The following PC variants were observed in gnomAD, a reference collection of about 807,000 sequenced individuals.
PC encodes the protein pyruvate carboxylase, mitochondrial.
A neutral mutation model predicts 107.8 loss-of-function variants in PC; 46 were observed. The observed-to-expected ratio is 0.43, with a 90% CI of 0.34 to 0.55. PC has a LOEUF of 0.55. Ranked by LOEUF, PC falls within the 20% of genes least tolerant of loss-of-function variation. The pLI, the probability that PC is intolerant of heterozygous loss-of-function variation, is 0.04. For missense variants in PC, 1,241 were observed against 1,643.1 expected, an observed-to-expected ratio of 0.76 and a Z score of 4.23; for synonymous variants, 662 against 684.7, an observed-to-expected ratio of 0.97 and a Z score of 0.52.
chr11:66,860,630 C>G (rs534125462), intron 12 of PC: 1 of 701,754 alleles, frequency 1.4e-6, no homozygotes, highest in African/African-American at 1.7e-5. Flanking sequence ...CAGGGGCGGC[C>G]CAGGGCTGCG....
intron 12 of PC, chr11:66,859,037 A>G: frequency 1.3e-6 from 2 of 1,506,872 alleles, no homozygotes; most frequent in Non-Finnish European, 1.8e-6. Context: ...CAGCCGACCC[A>G]GTGTGGATGT....
intron 3 of PC, among the ~76,000 whole-genome samples, chr11:66,876,514 C>T (rs981487634): frequency 1.3e-4 from 20 of 152,232 alleles, no homozygotes; most frequent in Non-Finnish European, 2.5e-4. Flanking sequence ...GGAGTGCATG[C>T]CCCAGCACCT....
At position 66,933,130 on chromosome 11, in the gene PC, C is replaced by T. The variant is rs1029167784; in HGVS notation, c.-1+19300G>A. ...CACCTATCCCGCCCTGGAAGCAAGG[C>T]GAAAGCTCCAAGTACCCTGAAGGTG... On this transcript the variant is annotated intron_variant, in intron 3 of 22. Coordinates refer to ENST00000393960, the MANE Select transcript of PC (RefSeq NM_001040716.2). 5.9e-5 allele frequency among the ~76,000 whole-genome samples: 9 copies of T among 152,068 alleles called. 1 individual carries two copies. Among genetic ancestry groups the T allele is most frequent in the Admixed American group, 2.0e-4 (3 of 15,268 alleles).
rs1411504625 is a variant in PC, at chr11:66,850,340, G to T, written c.2598C>A (p.Ile866=). The change falls in exon 19 of 23, where the codon ATC becomes ATA. Residue 866 remains isoleucine (I), a synonymous_variant. Transcript: ENST00000393960. ...SGNSDVYENE[I]PGGQYTNLHF... is the part of the protein sequence containing the mutation. The stretch of plus-strand genomic sequence containing the variant: ...GCAGGTTGGTGTACTGGCCCCCTGG[G>T]ATCTCATTTTCATACACGTCCGAGT... 3.1e-6 allele frequency: 5 copies of T among 1,614,116 alleles called. No individual in the cohort carries two copies. Among genetic ancestry groups the T allele is most frequent in the East Asian group, 2.2e-5 (1 of 44,874 alleles).
intron 3 of PC, among the ~76,000 whole-genome samples, chr11:66,894,020 T>A (rs1485891113): frequency 6.6e-6 from 1 of 151,872 alleles, no homozygotes; most frequent in Admixed American, 6.6e-5. Flanking sequence ...CCCTGAAATG[T>A]CCTCTTCTTA....
At chr11:66,850,486 A>C (rs756319343) in intron 18 of PC, 22 bp from the exon 19 acceptor site, 39 of 1,613,696 alleles carry the variant, frequency 2.4e-5, no homozygotes, top group Non-Finnish European at 3.2e-5. Flanking sequence ...CCAGAGTCAG[A>C]GGAGGCCTTA....
chr11:66,870,927 A>G lies in PC; in HGVS notation c.634-35T>C. ...CGGGCAGGGGCCAGCCAGACCTCAGACCCCACAGCGCTACCTCTCCCCTGC... is the reference window on the plus strand; with the variant it reads ...CGGGCAGGGGCCAGCCAGACCTCAGGCCCCACAGCGCTACCTCTCCCCTGC... On this transcript the variant is annotated intron_variant, in intron 7 of 22. Coordinates refer to ENST00000393960, the MANE Select transcript of PC (RefSeq NM_001040716.2). The surrounding 1 kb of genome is among the most constrained non-coding windows in gnomAD (Gnocchi z 6.1). 6.2e-7 allele frequency: 1 copy of G among 1,604,370 alleles called. No homozygotes were observed. Among genetic ancestry groups the G allele is most frequent in the Non-Finnish European group, 8.5e-7 (1 of 1,174,532 alleles).
At chr11:66,913,156 A>G (rs1948379679) in intron 3 of PC, among the ~76,000 whole-genome samples, 1 of 152,162 alleles carries the variant, frequency 6.6e-6, no homozygotes, top group South Asian at 2.1e-4. Flanking sequence ...GGCAGAAAAC[A>G]AAGTACCATT....
intron 3 of PC, among the ~76,000 whole-genome samples, chr11:66,903,791 T>TACAC (rs1555039134): frequency 2.5e-5 from 3 of 120,468 alleles, no homozygotes; most frequent in African/African-American, 9.3e-5. Context: ...TATATATATA[T>TACAC]ACACACACCC....
Position 66,863,297 on chromosome 11 carries a change from G to A in PC, c.1368+477C>T, listed in dbSNP as rs147342491. Among the ~76,000 whole-genome samples, 1,428 of 152,208 alleles carry A rather than the reference G, an allele frequency of 9.4e-3. 26 individuals are homozygous for A. The highest frequency in any genetic ancestry group is 0.032 in the African/African-American group (1,312 of 41,528). The stretch of plus-strand genomic sequence containing the variant: ...AGAGCTTGCAGTGAGCCGAGATCGC[G>A]CCACTGCACTCCAGCCTGGGCGACA... On this transcript the variant is annotated intron_variant, in intron 12 of 22. Transcript: ENST00000393960.
rs368783983 is a variant in PC at position 66,849,309 on chromosome 11, C to T, written c.3209G>A (p.Arg1070Gln). ...IKALAVSDLNRAGQRQVFFEL... is the reference protein window; with the variant it reads ...IKALAVSDLNQAGQRQVFFEL... ...AAAGAAGACCTGCCTCTGGCCGGCC[C>T]GGTTCAGGTCGCTCACGGCCAGGGC... The change falls in exon 22 of 23, where the codon CGG becomes CAG. Residue 1070 changes from arginine (R) to glutamine (Q), a missense_variant. Physicochemically the swap from Arg to Gln is conservative, Grantham distance 43 (BLOSUM62 1). Transcript: ENST00000393960. The T allele has an allele frequency of 5.2e-5, 84 of 1,613,622 alleles. No homozygotes were observed. The highest frequency in any genetic ancestry group is 1.3e-4 in the East Asian group (6 of 44,882).
chr11:66,871,607 C>T lies in PC; in HGVS notation c.321+80G>A, dbSNP rs918539378. ...CACCCACGCACAGAGGCGCTGAGCA[C>T]GCCAGCCTCAAGAGACCCCCGCGGC... On this transcript the variant is annotated intron_variant, in intron 5 of 22. Transcript: ENST00000393960. This position sits in a 1 kb window ranked among gnomAD's most constrained non-coding sequence, Gnocchi z 7.4. 4.3e-5 allele frequency: 67 copies of T among 1,568,896 alleles called. No individual in the cohort carries two copies. Among genetic ancestry groups the T allele is most frequent in the Middle Eastern group, 1.7e-4 (1 of 5,782 alleles).
intron 3 of PC, among the ~76,000 whole-genome samples, chr11:66,910,403 C>T (rs1442653160): frequency 4.6e-5 from 7 of 152,318 alleles, no homozygotes; most frequent in Admixed American, 3.9e-4. Context: ...TCCTCTGCCA[C>T]CCCAAATCTA....
At chr11:66,926,829 T>C (rs1257562662) in intron 3 of PC, among the ~76,000 whole-genome samples, 1 of 150,928 alleles carries the variant, frequency 6.6e-6, no homozygotes, top group East Asian at 2.0e-4. Flanking sequence ...TGTGTCTGGC[T>C]TCTTTTGCTT....
chr11:66,930,825 T>C (rs2136110426), intron 3 of PC, among the ~76,000 whole-genome samples: 1 of 151,832 alleles, frequency 6.6e-6, no homozygotes, highest in South Asian at 2.1e-4. Flanking sequence ...CAAGGCCTTC[T>C]TGGCAACAGG....
chr11:66,860,350 T>G, intron 12 of PC: 1 of 1,154,890 alleles, frequency 8.7e-7, no homozygotes. Context: ...TTTCCTCGGT[T>G]CTGGCCTCCA....
intron 3 of PC, among the ~76,000 whole-genome samples, chr11:66,876,200 A>G (rs1251290935): frequency 6.6e-6 from 1 of 152,204 alleles, no homozygotes; most frequent in African/African-American, 2.4e-5. Flanking sequence ...GATTGCGTTG[A>G]TATCAATTTC....
At chr11:66,934,804 C>T (rs1207217241) in intron 3 of PC, among the ~76,000 whole-genome samples, 1 of 152,068 alleles carries the variant, frequency 6.6e-6, no homozygotes, top group African/African-American at 2.4e-5. Context: ...GAGGTTTCAC[C>T]ATGTTGGTCA....
intron 3 of PC, among the ~76,000 whole-genome samples, chr11:66,915,510 T>A (rs1422411448): frequency 2.6e-5 from 4 of 152,168 alleles, no homozygotes; most frequent in Admixed American, 6.5e-5. Flanking sequence ...GGTAAACAGT[T>A]GTAGAGCAAA....
Sources: allele counts gnomAD v4.1 joint callset (sites outside exome capture counted in the v4.1 genomes callset), GRCh38; gene constraint gnomAD v4.1.1; non-coding constraint Gnocchi (gnomAD v3.1); transcripts MANE v1.5; gene names NCBI Gene and HGNC (gene_info 2026-07-23, HGNC 2026-07-21).